LRCH3: variants seen among roughly 807,000 people sequenced by gnomAD.
The protein encoded by LRCH3 is DISP complex protein LRCH3.
Under a neutral mutation model 104.5 loss-of-function variants are expected in LRCH3, and 68 were observed. The observed-to-expected ratio is 0.65, with a 90% confidence interval of 0.54 to 0.80. The LOEUF (loss-of-function observed/expected upper bound fraction) is 0.80. Ranked by LOEUF, LRCH3 falls within the 30% of genes least tolerant of loss-of-function variation. The pLI, the probability that LRCH3 is intolerant of heterozygous loss-of-function variation, is 0.00. For missense variants in LRCH3, 951 were observed against 953.9 expected (o/e 1.00, Z 0.04); for synonymous variants, 344 against 361.3 (o/e 0.95, Z 0.54).
chr3:197,854,423 C>G lies in LRCH3; in HGVS notation c.1622C>G (p.Thr541Ser), dbSNP rs1740003987. Residue 541 changes from threonine (T) to serine (S), a missense_variant, in exon 14 of 21, where the codon ACT becomes AGT. Transcript: ENST00000425562. The surrounding 1 kb of genome is among the most constrained non-coding windows in gnomAD (Gnocchi z 4.5). ...CPFPSRRSQH[T>S]DDSALCMSLS... ...TTCCCATCCAGAAGGTCTCAGCACA[C>G]TGATGATAGTGCCTTGTGCATGGTA... 2 of 1,614,178 alleles carry G rather than the reference C, an allele frequency of 1.2e-6. No individual in the cohort carries two copies. The highest frequency in any genetic ancestry group is 2.2e-5 in the South Asian group (2 of 91,070).
upstream of LRCH3, chr3:197,791,226 G>C (rs189691440): frequency 4.7e-4 from 739 of 1,582,896 alleles, 2 homozygotes; most frequent in African/African-American, 8.4e-3. Flanking sequence ...CCCACCCAGC[G>C]GTCCGGCCGC....
intron 19 of LRCH3, among the ~76,000 whole-genome samples, chr3:197,875,404 C>T (rs1712767208): frequency 6.6e-6 from 1 of 152,176 alleles, no homozygotes; most frequent in East Asian, 1.9e-4. Flanking sequence ...TAGCTGATGC[C>T]TCTGATCCCA....
chr3:197,882,529 CAAAAA>C, intron 20 of LRCH3: 1 of 863,336 alleles, frequency 1.2e-6, no homozygotes, highest in Non-Finnish European at 1.4e-6. Flanking sequence ...AAACAAAAAA[CAAAAA>C]ACAAAAAAAC....
At chr3:197,858,464 C>A (rs900182492) in intron 14 of LRCH3, among the ~76,000 whole-genome samples, 1 of 151,892 alleles carries the variant, frequency 6.6e-6, no homozygotes, top group Non-Finnish European at 1.5e-5. Flanking sequence ...TTTATTGATG[C>A]CAGTTCTGCT....
chr3:197,803,468 C>T (rs546513853), intron 1 of LRCH3, among the ~76,000 whole-genome samples: 40 of 152,238 alleles, frequency 2.6e-4, no homozygotes, highest in Non-Finnish European at 4.6e-4. Flanking sequence ...GTACTAGGTG[C>T]AGGTAGTTAA....
chr3:197,825,799 T>G (rs995328593), intron 4 of LRCH3, among the ~76,000 whole-genome samples: 29 of 152,168 alleles, frequency 1.9e-4, no homozygotes, highest in Non-Finnish European at 4.3e-4. Flanking sequence ...ATATTTTTTA[T>G]TATTCATTTC....
chr3:197,813,281 G>A (rs1024186669), intron 1 of LRCH3, among the ~76,000 whole-genome samples: 2 of 149,796 alleles, frequency 1.3e-5, no homozygotes, highest in South Asian at 2.1e-4. Flanking sequence ...ATAAATGATC[G>A]TTGACTGTAG....
chr3:197,859,144 T>C (rs951873845), intron 15 of LRCH3: 115 of 486,280 alleles, frequency 2.4e-4, no homozygotes, highest in Non-Finnish European at 3.7e-4. Context: ...TGTGTCATTC[T>C]GATTTTTTTA....
chr3:197,883,949 T>A lies in LRCH3; in HGVS notation c.*283T>A. The A allele has an allele frequency of 3.1e-6, 1 of 326,934 alleles. No individual in the cohort carries two copies. Among genetic ancestry groups the A allele is most frequent in the Non-Finnish European group, 5.6e-6 (1 of 179,358 alleles). The allele number at this position is 326,934 out of a possible 1,614,324, so 20.3% of individuals were successfully genotyped here. A position where few individuals can be genotyped will look rare whatever the true frequency, so the allele number is the denominator to read the frequency against. Reference sequence around the variant, plus strand: ...GCTGTGTTTTCCTGGAGAGCAGGCGTGTTTCACGTGCCAGAAAGCACATCT... The same window carrying A: ...GCTGTGTTTTCCTGGAGAGCAGGCGAGTTTCACGTGCCAGAAAGCACATCT... On this transcript the variant is annotated 3_prime_UTR_variant, in exon 21 of 21. Coordinates refer to ENST00000425562, the MANE Select transcript of LRCH3 (RefSeq NM_001365715.1). This position sits in a 1 kb window ranked among gnomAD's most constrained non-coding sequence, Gnocchi z 4.2.
chr3:197,823,122 T>G (rs1311747485), intron 4 of LRCH3: 2 of 61,286 alleles, frequency 3.3e-5, no homozygotes, highest in Non-Finnish European at 9.1e-5. Context: ...CATGCCCAGT[T>G]AATTTTTTTT....
intron 19 of LRCH3, among the ~76,000 whole-genome samples, chr3:197,874,655 G>T (rs1312845207): frequency 6.6e-6 from 1 of 152,150 alleles, no homozygotes; most frequent in African/African-American, 2.4e-5. Context: ...AGTCCCTGGT[G>T]CCAAAAAGGT....
chr3:197,791,538 C>T lies in LRCH3; in HGVS notation c.260C>T (p.Ala87Val). Residue 87 changes from alanine (A) to valine (V), a missense_variant and splice_region_variant, in exon 1 of 21, where the codon GCG becomes GTG. By Grantham distance (64) the Ala-to-Val change is moderately conservative. Coordinates refer to ENST00000425562, the MANE Select transcript of LRCH3 (RefSeq NM_001365715.1). ...ANHDLTDTTR[A>V]DLSRNRLSEI... Reference sequence around the variant, plus strand: ...CACGACCTGACGGACACCACCCGGGCGGGTGAGCGGGGCGGGGGGCGTCTC... The same window carrying T: ...CACGACCTGACGGACACCACCCGGGTGGGTGAGCGGGGCGGGGGGCGTCTC... The T allele has an allele frequency of 6.4e-7, 1 of 1,573,486 alleles. No homozygotes were observed. Among genetic ancestry groups the T allele is most frequent in the Non-Finnish European group, 8.6e-7 (1 of 1,164,186 alleles).
chr3:197,873,336 A>G (rs755433015), intron 19 of LRCH3, among the ~76,000 whole-genome samples: 3 of 152,170 alleles, frequency 2.0e-5, no homozygotes, highest in Non-Finnish European at 4.4e-5. Flanking sequence ...GATGTAATAT[A>G]CTTTTCCCCC....
chr3:197,829,807 T>C (rs759325169), intron 6 of LRCH3, 134 bp downstream of exon 6: 2 of 645,390 alleles, frequency 3.1e-6, no homozygotes, highest in Non-Finnish European at 5.2e-6. Context: ...AGAATGCTTG[T>C]ATTGTAAAGT....
intron 12 of LRCH3, among the ~76,000 whole-genome samples, chr3:197,849,267 CAAAAAAAA>C (rs35823428): frequency 2.8e-5 from 1 of 35,316 alleles, no homozygotes; most frequent in South Asian, 1.0e-3. Flanking sequence ...GACTCCACCT[CAAAAAAAA>C]AAAAAAAAAA....
At chr3:197,845,722 T>C (rs1738577242) in intron 10 of LRCH3, among the ~76,000 whole-genome samples, 1 of 151,962 alleles carries the variant, frequency 6.6e-6, no homozygotes, top group African/African-American at 2.4e-5. Context: ...CTGGCCAGCA[T>C]GGTGAAACCC....
intron 16 of LRCH3, 82 bp downstream of exon 16, chr3:197,865,553 A>G: frequency 1.1e-6 from 1 of 924,478 alleles, no homozygotes; most frequent in East Asian, 3.2e-5. Flanking sequence ...ATAAATAGAG[A>G]CGAGGCCTTT....
intron 12 of LRCH3, among the ~76,000 whole-genome samples, chr3:197,849,845 C>G (rs1739325300): frequency 6.6e-6 from 1 of 152,116 alleles, no homozygotes; most frequent in African/African-American, 2.4e-5. Flanking sequence ...TATAAAGATG[C>G]ATAAAATACA....
In LRCH3 at chr3:197,820,436, A is replaced by T. The variant is rs1352999456; in HGVS notation, c.640+6A>T. Reference sequence around the variant, plus strand: ...CCTAGTACATTTGCCTGAAGGTAAGAAACTATGAAATAAGAAACCATGAAA... The same window carrying T: ...CCTAGTACATTTGCCTGAAGGTAAGTAACTATGAAATAAGAAACCATGAAA... On this transcript the variant is annotated splice_donor_region_variant and intron_variant, in intron 4 of 20. Transcript: ENST00000425562. 6.8e-7 allele frequency: 1 copy of T among 1,480,128 alleles called. No homozygotes were observed. Among genetic ancestry groups the T allele is most frequent in the Non-Finnish European group, 9.4e-7 (1 of 1,063,462 alleles). 91.7% of individuals were successfully genotyped at this position (1,480,128 alleles called of 1,614,324 possible). A position where few individuals can be genotyped will look rare whatever the true frequency, so the allele number is the denominator to read the frequency against.
Sources: allele counts gnomAD v4.1 joint callset (sites outside exome capture counted in the v4.1 genomes callset), GRCh38; gene constraint gnomAD v4.1.1; non-coding constraint Gnocchi (gnomAD v3.1); transcripts MANE v1.5; gene names NCBI Gene and HGNC (gene_info 2026-07-23, HGNC 2026-07-21).